The following HIVEP3 variants were observed in gnomAD, a reference collection of about 807,000 sequenced individuals.
The protein encoded by HIVEP3 is transcription factor HIVEP3.
HIVEP3 carries 49 observed loss-of-function variants against 152.8 expected under a neutral mutation model. The observed-to-expected ratio is 0.32, with a 90% confidence interval of 0.26 to 0.41. The LOEUF (loss-of-function observed/expected upper bound fraction) is 0.41, where lower values mean the gene tolerates loss of function less well. HIVEP3 is among the 10% of genes least tolerant of loss of function. The probability of loss-of-function intolerance (pLI) is 1.00; values close to 1 mark genes in which losing one functional copy is unlikely to be tolerated. For missense variants in HIVEP3, 2,790 were observed against 3,103.3 expected, an observed-to-expected ratio of 0.90 and a Z score of 2.40; for synonymous variants, 1,269 against 1,289.0, an observed-to-expected ratio of 0.98 and a Z score of 0.33.
chr1:41,918,217 C>G lies in HIVEP3; in HGVS notation c.-801+196G>C, dbSNP rs1644904326. On this transcript the variant is annotated intron_variant, in intron 1 of 8. Coordinates refer to ENST00000372583, the MANE Select transcript of HIVEP3 (RefSeq NM_024503.5). The surrounding 1 kb of genome is among the most constrained non-coding windows in gnomAD (Gnocchi z 4.3). ...CAGCGCGCTCAGCCCACCGGGGGCA[C>G]TGGCCGCCACGCGCAGCCCACCCGG... Among the ~76,000 whole-genome samples the G allele has an allele frequency of 6.6e-6, 1 of 152,184 alleles. No individual in the cohort carries two copies.
intron 7 of HIVEP3, 76 bp from the exon 8 acceptor site, chr1:41,513,826 GCCC>G: frequency 7.9e-7 from 1 of 1,267,192 alleles, no homozygotes; most frequent in Non-Finnish European, 1.0e-6. Context: ...TCCTCTCTGA[GCCC>G]CAGTTTCCTT....
At chr1:41,940,896 G>T (rs1386535939) in intron 1 of HIVEP3, among the ~76,000 whole-genome samples, 1 of 151,392 alleles carries the variant, frequency 6.6e-6, no homozygotes, top group Non-Finnish European at 1.5e-5. Context: ...GGGAGCGGGG[G>T]AGAGAGAGAG....
intron 1 of HIVEP3, among the ~76,000 whole-genome samples, chr1:41,819,636 T>C (rs1642527791): frequency 6.6e-6 from 1 of 152,228 alleles, no homozygotes; most frequent in African/African-American, 2.4e-5. Context: ...TTTTTAAAAT[T>C]TCAGACTTAT....
chr1:41,518,361 G>A lies in HIVEP3; in HGVS notation c.5470+41C>T, dbSNP rs112951169. On this transcript the variant is annotated intron_variant, in intron 7 of 8. Coordinates refer to ENST00000372583, the MANE Select transcript of HIVEP3 (RefSeq NM_024503.5). ...AAAGGTGGAGGAGGATAGGGAAAGC[G>A]GACAAGGGGAAAGGGGACGGAGAAG... 3.7e-5 allele frequency: 57 copies of A among 1,541,384 alleles called. No individual in the cohort carries two copies. In the South Asian group the frequency reaches 4.5e-4, roughly 12 times the overall value.
At chr1:41,516,870 C>T (rs1642622264) in intron 7 of HIVEP3, among the ~76,000 whole-genome samples, 1 of 152,252 alleles carries the variant, frequency 6.6e-6, no homozygotes, top group South Asian at 2.1e-4. Flanking sequence ...CGGCCCTCCC[C>T]ACGGGCCCCA....
At chr1:41,534,607 G>T (rs1391520085) in intron 5 of HIVEP3, among the ~76,000 whole-genome samples, 1 of 152,314 alleles carries the variant, frequency 6.6e-6, no homozygotes, top group East Asian at 1.9e-4. Context: ...ATCCCTGCGC[G>T]GGTGAGGACC....
chr1:41,545,264 T>TACCACCACC (rs1643728259), intron 5 of HIVEP3, among the ~76,000 whole-genome samples: 1 of 38,746 alleles, frequency 2.6e-5, no homozygotes, highest in Admixed American at 2.2e-4. Flanking sequence ...CTACCACCAC[T>TACCACCACC]ACCACCACCA....
At chr1:41,678,734 G>A (rs1483690010) in intron 2 of HIVEP3, among the ~76,000 whole-genome samples, 1 of 149,850 alleles carries the variant, frequency 6.7e-6, no homozygotes, top group African/African-American at 2.6e-5. Flanking sequence ...ACCCGCTTGA[G>A]GCCAGGTCCC....
chr1:41,747,525 A>T (rs1048179411), intron 1 of HIVEP3, among the ~76,000 whole-genome samples: 2 of 152,262 alleles, frequency 1.3e-5, no homozygotes, highest in African/African-American at 4.8e-5. Flanking sequence ...TAAAAAGAAA[A>T]TAAAAATGAC....
upstream of HIVEP3, among the ~76,000 whole-genome samples, chr1:41,920,734 G>C (rs1016242505): frequency 1.3e-5 from 2 of 152,104 alleles, no homozygotes; most frequent in Non-Finnish European, 2.9e-5. Context: ...CCTTTAAAGA[G>C]AACAGCTCCA....
intron 1 of HIVEP3, among the ~76,000 whole-genome samples, chr1:41,854,107 T>TTCTCTCTCCCTC (rs1025283451): frequency 2.6e-5 from 4 of 151,714 alleles, no homozygotes; most frequent in African/African-American, 7.3e-5. Flanking sequence ...CAGATCGGCT[T>TTCTCTCTCCCTC]TCTCTCTCCC....
At chr1:41,749,840 G>C (rs76677710) in intron 1 of HIVEP3, among the ~76,000 whole-genome samples, 2 of 152,194 alleles carry the variant, frequency 1.3e-5, no homozygotes, top group South Asian at 4.1e-4. Context: ...TGGCCTTGGG[G>C]GTGAAATGTA....
intron 5 of HIVEP3, among the ~76,000 whole-genome samples, chr1:41,527,965 T>G (rs937411144): frequency 1.6e-5 from 2 of 123,214 alleles, no homozygotes; most frequent in African/African-American, 6.3e-5. Flanking sequence ...CCCCACACCC[T>G]TGCATTCACC....
intron 5 of HIVEP3, among the ~76,000 whole-genome samples, chr1:41,571,160 C>T (rs867850392): frequency 6.6e-5 from 10 of 152,128 alleles, no homozygotes; most frequent in Non-Finnish European, 1.2e-4. Flanking sequence ...TCATTCCCTT[C>T]GGACATAAGC....
intron 1 of HIVEP3, among the ~76,000 whole-genome samples, chr1:41,789,269 G>A (rs1195425776): frequency 6.6e-6 from 1 of 152,200 alleles, no homozygotes; most frequent in Non-Finnish European, 1.5e-5. Context: ...TTGTGGGCAT[G>A]TTATGTAACC....
chr1:41,537,205 AT>A (rs1370245044), intron 5 of HIVEP3, among the ~76,000 whole-genome samples: 2 of 151,910 alleles, frequency 1.3e-5, no homozygotes, highest in African/African-American at 4.9e-5. Context: ...GCTATTCTGC[AT>A]TTATATTATG....
intron 2 of HIVEP3, among the ~76,000 whole-genome samples, chr1:41,656,031 A>T (rs1645624171): frequency 6.6e-6 from 1 of 152,224 alleles, no homozygotes; most frequent in Non-Finnish European, 1.5e-5. Flanking sequence ...TAAGAAAAAA[A>T]ATAGGGTAAT....
intron 1 of HIVEP3, among the ~76,000 whole-genome samples, chr1:41,825,441 T>C (rs1006804323): frequency 5.3e-5 from 8 of 151,992 alleles, no homozygotes; most frequent in Non-Finnish European, 1.0e-4. Flanking sequence ...CAGCTAATAT[T>C]TTCTATTTTC....
At chr1:41,868,706 T>C (rs1431183854) in intron 1 of HIVEP3, among the ~76,000 whole-genome samples, 1 of 152,174 alleles carries the variant, frequency 6.6e-6, no homozygotes, top group Admixed American at 6.5e-5. Flanking sequence ...AGAGAAAGCA[T>C]GGGCTTGCTC....
Sources: allele counts gnomAD v4.1 joint callset (sites outside exome capture counted in the v4.1 genomes callset), GRCh38; gene constraint gnomAD v4.1.1; non-coding constraint Gnocchi (gnomAD v3.1); transcripts MANE v1.5; gene names NCBI Gene and HGNC (gene_info 2026-07-23, HGNC 2026-07-21).